The following KCNIP4 variants were observed in gnomAD, a reference collection of about 807,000 sequenced individuals.
The protein encoded by KCNIP4 is potassium voltage-gated channel interacting protein 4, also known as Kv channel-interacting protein 4.
KCNIP4 carries 12 observed loss-of-function variants against 34.0 expected under a neutral mutation model. That is an observed-to-expected ratio of 0.35 (90% CI 0.23 to 0.57). The LOEUF is 0.57. KCNIP4 is among the 20% of genes least tolerant of loss of function. The pLI is 0.83. For synonymous variants in KCNIP4, 124 were observed against 102.2 expected, an observed-to-expected ratio of 1.21 and a Z score of -1.29; for missense variants, 238 against 311.7, an observed-to-expected ratio of 0.76 and a Z score of 1.78.
chr4:21,495,588 C>CTTT (rs1732784000), intron 1 of KCNIP4, among the ~76,000 whole-genome samples: 1 of 150,480 alleles, frequency 6.6e-6, no homozygotes, highest in African/African-American at 2.5e-5. Flanking sequence ...TAAACACTTA[C>CTTT]CTTTTTTTTT....
intron 1 of KCNIP4, among the ~76,000 whole-genome samples, chr4:21,000,774 C>A (rs902874726): frequency 6.6e-6 from 1 of 152,142 alleles, no homozygotes; most frequent in Non-Finnish European, 1.5e-5. Context: ...TCACTACACA[C>A]CCCTTACTCA....
chr4:21,904,038 T>A (rs1034692184), intron 1 of KCNIP4, among the ~76,000 whole-genome samples: 1 of 152,182 alleles, frequency 6.6e-6, no homozygotes, highest in African/African-American at 2.4e-5. Flanking sequence ...ACTTCATTGT[T>A]ATCTTTCACC....
intron 4 of KCNIP4, among the ~76,000 whole-genome samples, chr4:20,753,285 C>T (rs1203054926): frequency 6.6e-6 from 1 of 151,964 alleles, no homozygotes; most frequent in Non-Finnish European, 1.5e-5. Flanking sequence ...TCTTAGAAAT[C>T]GAGGATACTA....
At chr4:21,570,446 G>A (rs955301608) in intron 1 of KCNIP4, among the ~76,000 whole-genome samples, 3 of 152,092 alleles carry the variant, frequency 2.0e-5, no homozygotes, top group Admixed American at 1.3e-4. Context: ...AAATGTTAAC[G>A]TGAACAAAAT....
chr4:21,875,714 A>G (rs2109373756), intron 1 of KCNIP4, among the ~76,000 whole-genome samples: 1 of 152,312 alleles, frequency 6.6e-6, no homozygotes, highest in Admixed American at 6.5e-5. Flanking sequence ...GATGCTGAAA[A>G]ATTAAATATG....
chr4:21,605,486 C>A (rs1038595547), intron 1 of KCNIP4, among the ~76,000 whole-genome samples: 1 of 151,900 alleles, frequency 6.6e-6, no homozygotes, highest in Non-Finnish European at 1.5e-5. Context: ...TTCCTTTTTA[C>A]AATTTTTTTT....
chr4:21,730,692 C>T (rs986626628), intron 1 of KCNIP4, among the ~76,000 whole-genome samples: 1 of 152,158 alleles, frequency 6.6e-6, no homozygotes, highest in Non-Finnish European at 1.5e-5. Flanking sequence ...ATTTAGATAT[C>T]TGCTAAGTGG....
At chr4:21,550,068 G>T (rs966556777) in intron 1 of KCNIP4, among the ~76,000 whole-genome samples, 1 of 152,108 alleles carries the variant, frequency 6.6e-6, no homozygotes, top group African/African-American at 2.4e-5. Flanking sequence ...TTAAATTCGT[G>T]CTGTTTTAGT....
chr4:20,971,599 T>TA (rs1398737648), intron 1 of KCNIP4, among the ~76,000 whole-genome samples: 1 of 152,222 alleles, frequency 6.6e-6, no homozygotes, highest in South Asian at 2.1e-4. Flanking sequence ...ACTTTACTGT[T>TA]AAAAATTGAT....
At chr4:21,633,914 C>T (rs10035025) in intron 1 of KCNIP4, among the ~76,000 whole-genome samples, 8 of 151,662 alleles carry the variant, frequency 5.3e-5, no homozygotes, top group Non-Finnish European at 5.9e-5. Context: ...TTTAATATTT[C>T]GGTTATTAGA....
At chr4:21,757,913 A>G (rs1162952654) in intron 1 of KCNIP4, among the ~76,000 whole-genome samples, 1 of 152,180 alleles carries the variant, frequency 6.6e-6, no homozygotes, top group Non-Finnish European at 1.5e-5. Context: ...ATGAAAAGAC[A>G]TGCGTTGGTG....
Position 21,540,000 on chromosome 4 carries a change from A to AGAC in KCNIP4, c.61+408570_61+408571insGTC, listed in dbSNP as rs1491096832. 5.7e-5 allele frequency among the ~76,000 whole-genome samples: 3 copies of AGAC among 52,514 alleles called. No homozygotes were observed. The Admixed American group carries it at 7.6e-4, about 13-fold the overall frequency. 34.5% of individuals were successfully genotyped at this position (52,514 alleles called of 152,430 possible). ...CTCAAAAACAAACAAACAAACAGAC[A>AGAC]AAAAAAAAAAAAAAGAATTATTTTG... On this transcript the variant is annotated intron_variant, in intron 1 of 8. Coordinates refer to ENST00000382152, the MANE Select transcript of KCNIP4 (RefSeq NM_025221.6).
At chr4:20,897,434 G>T (rs773442011) in intron 1 of KCNIP4, among the ~76,000 whole-genome samples, 1 of 152,050 alleles carries the variant, frequency 6.6e-6, no homozygotes, top group South Asian at 2.1e-4. Flanking sequence ...GTGTCCTCAC[G>T]AAACTACTTC....
At chr4:21,644,367 C>T (rs1475738184) in intron 1 of KCNIP4, among the ~76,000 whole-genome samples, 2 of 152,040 alleles carry the variant, frequency 1.3e-5, no homozygotes, top group Non-Finnish European at 2.9e-5. Context: ...TGGAATAAAC[C>T]GAAAGAACTA....
chr4:21,181,339 T>C (rs1754824945), intron 1 of KCNIP4, among the ~76,000 whole-genome samples: 1 of 152,130 alleles, frequency 6.6e-6, no homozygotes, highest in African/African-American at 2.4e-5. Flanking sequence ...AAAATAGTCA[T>C]TCTCTAGACA....
chr4:21,450,234 A>T (rs1728400164), intron 1 of KCNIP4, among the ~76,000 whole-genome samples: 1 of 152,194 alleles, frequency 6.6e-6, no homozygotes, highest in African/African-American at 2.4e-5. Context: ...GATAATGTAA[A>T]TCTATAGAGT....
At chr4:20,879,932 T>C (rs574394713) in intron 2 of KCNIP4, among the ~76,000 whole-genome samples, 116 of 152,312 alleles carry the variant, frequency 7.6e-4, no homozygotes, top group African/African-American at 2.6e-3. Flanking sequence ...TGGTGCTATT[T>C]ATATTGAGAG....
At position 20,728,781 on chromosome 4, in the gene KCNIP4, T is replaced by TAG. The variant is rs1474979808; in HGVS notation, c.*1299_*1300dup. On this transcript the variant is annotated 3_prime_UTR_variant, in exon 9 of 9. Transcript: ENST00000382152. ...TCAACATCCTATCTCTACACCAGAA[T>TAG]AGATACCTGATTTATTGTTGCAAAG... is the stretch of plus-strand genomic sequence containing the variant. 6.6e-6 allele frequency: 1 copy of TAG among 152,624 alleles called. No individual in the cohort carries two copies. Among genetic ancestry groups the TAG allele is most frequent in the Non-Finnish European group, 1.5e-5 (1 of 68,040 alleles). 9.5% of individuals were successfully genotyped at this position (152,624 alleles called of 1,614,324 possible).
intron 5 of KCNIP4, among the ~76,000 whole-genome samples, 195 bp downstream of exon 5, chr4:20,749,467 T>G (rs1414786580): frequency 6.6e-6 from 1 of 152,164 alleles, no homozygotes; most frequent in Non-Finnish European, 1.5e-5. Context: ...TATAAAGCAT[T>G]AGAAAATAAA....
Sources: allele counts gnomAD v4.1 joint callset (sites outside exome capture counted in the v4.1 genomes callset), GRCh38; gene constraint gnomAD v4.1.1; transcripts MANE v1.5; gene names NCBI Gene and HGNC (gene_info 2026-07-23, HGNC 2026-07-21).